The following HDAC9 variants were observed in gnomAD, a reference collection of about 807,000 sequenced individuals.
HDAC9 encodes the protein MEF-2 interacting transcription repressor (MITR) protein.
A neutral mutation model predicts 139.4 loss-of-function variants in HDAC9; 41 were observed. That is an observed-to-expected ratio of 0.29 (90% confidence interval 0.23 to 0.38). The LOEUF is 0.38. HDAC9 is among the 10% of genes least tolerant of loss of function. The pLI is 1.00. For synonymous variants in HDAC9, 517 were observed against 476.2 expected (o/e 1.09, Z -1.12); for missense variants, 1,147 against 1,297.0 (o/e 0.88, Z 1.78).
intron 2 of HDAC9, among the ~76,000 whole-genome samples, chr7:18,225,282 A>G (rs1384695057): frequency 6.6e-6 from 1 of 152,320 alleles, no homozygotes; most frequent in African/African-American, 2.4e-5. Flanking sequence ...AAATGACCAC[A>G]TGCTTCACAC....
intron 1 of HDAC9, among the ~76,000 whole-genome samples, chr7:18,138,565 C>T (rs1252488290): frequency 4.3e-5 from 4 of 93,156 alleles, no homozygotes; most frequent in Admixed American, 1.1e-4. Flanking sequence ...TGTGTGTGTG[C>T]ACATGCTCAT....
chr7:18,295,953 C>G (rs1472548907), intron 1 of HDAC9, among the ~76,000 whole-genome samples: 2 of 152,154 alleles, frequency 1.3e-5, no homozygotes. Context: ...TAGACTAATG[C>G]AGACCTGCTC....
chr7:18,096,881 CTTTG>C (rs1347090775), intron 1 of HDAC9, among the ~76,000 whole-genome samples: 1 of 125,008 alleles, frequency 8.0e-6, no homozygotes, highest in South Asian at 2.8e-4. Flanking sequence ...GACTTGTTGG[CTTTG>C]TGTGTGTGTG....
chr7:18,147,311 A>G (rs947203575), intron 1 of HDAC9, among the ~76,000 whole-genome samples: 9 of 152,222 alleles, frequency 5.9e-5, no homozygotes, highest in Non-Finnish European at 1.2e-4. Context: ...ATAAAAGGAA[A>G]AATAAAAATA....
chr7:18,649,227 G>A (rs569254044), intron 11 of HDAC9, among the ~76,000 whole-genome samples: 16 of 152,210 alleles, frequency 1.1e-4, no homozygotes, highest in South Asian at 1.0e-3. Flanking sequence ...AATAGACAGC[G>A]GATGTCTGTA....
chr7:18,263,721 GC>G (rs1795826826), intron 2 of HDAC9, among the ~76,000 whole-genome samples: 1 of 151,496 alleles, frequency 6.6e-6, no homozygotes, highest in Admixed American at 6.6e-5. Flanking sequence ...CAATTCTCAT[GC>G]CCCAGCCTCC....
At chr7:18,399,792 A>T (rs543312230) in intron 1 of HDAC9, among the ~76,000 whole-genome samples, 13 of 152,324 alleles carry the variant, frequency 8.5e-5, no homozygotes, top group Non-Finnish European at 1.5e-4. Flanking sequence ...CACAGGCCAC[A>T]TTCCAGGAAA....
chr7:18,401,928 T>A (rs1158527849), intron 1 of HDAC9, among the ~76,000 whole-genome samples: 1 of 152,230 alleles, frequency 6.6e-6, no homozygotes, highest in Non-Finnish European at 1.5e-5. Flanking sequence ...AATCTGTTGT[T>A]CCCTTTTTCA....
intron 1 of HDAC9, among the ~76,000 whole-genome samples, chr7:18,470,633 G>T (rs1433297491): frequency 6.6e-6 from 1 of 152,114 alleles, no homozygotes; most frequent in African/African-American, 2.4e-5. Flanking sequence ...CTGCTACAAG[G>T]ATTTCTCTGC....
Position 18,701,443 on chromosome 7 carries a change from A to AGTACCACAG in HDAC9, c.1732-26136_1732-26128dup, listed in dbSNP as rs775272192. On this transcript the variant is annotated intron_variant, in intron 12 of 25. Coordinates refer to ENST00000686413, the MANE Select transcript of HDAC9 (RefSeq NM_178425.4). ...AAAAAAAAAAACACAACTGTACTAT[A>AGTACCACAG]GTACCACAGTACACCAGTACTATGA... 1.7e-3 allele frequency among the ~76,000 whole-genome samples: 257 copies of AGTACCACAG among 151,910 alleles called. 1 individual carries two copies. Among genetic ancestry groups the AGTACCACAG allele is most frequent in the Middle Eastern group, 3.4e-3 (1 of 292 alleles).
intron 2 of HDAC9, among the ~76,000 whole-genome samples, chr7:18,560,263 G>C (rs948738142): frequency 6.6e-6 from 1 of 152,136 alleles, no homozygotes; most frequent in Non-Finnish European, 1.5e-5. Flanking sequence ...TATTCTACCT[G>C]TGAGTTAGAA....
At chr7:18,425,013 T>C (rs900207010) in intron 1 of HDAC9, among the ~76,000 whole-genome samples, 4 of 152,200 alleles carry the variant, frequency 2.6e-5, no homozygotes, top group African/African-American at 9.6e-5. Context: ...ATGTGTTTTG[T>C]GTCAAAGATA....
intron 1 of HDAC9, among the ~76,000 whole-genome samples, chr7:18,384,684 A>G (rs893006261): frequency 6.6e-6 from 1 of 152,036 alleles, no homozygotes; most frequent in African/African-American, 2.4e-5. Flanking sequence ...GTGACTGGAA[A>G]CCAGTAGTTG....
intron 1 of HDAC9, among the ~76,000 whole-genome samples, chr7:18,377,503 G>A (rs1208840684): frequency 6.6e-6 from 1 of 152,108 alleles, no homozygotes; most frequent in Non-Finnish European, 1.5e-5. Flanking sequence ...TTTTAAGAAT[G>A]AGAAATAAAC....
chr7:18,540,906 T>A (rs957751116), intron 2 of HDAC9, among the ~76,000 whole-genome samples: 2 of 152,182 alleles, frequency 1.3e-5, no homozygotes, highest in African/African-American at 4.8e-5. Context: ...CTCGTAAGAA[T>A]TTTAGAAGAT....
At chr7:18,250,724 T>C (rs1238389180) in intron 2 of HDAC9, among the ~76,000 whole-genome samples, 1 of 152,188 alleles carries the variant, frequency 6.6e-6, no homozygotes. Context: ...GTTGAACTAA[T>C]TTAAACTCCC....
intron 2 of HDAC9, among the ~76,000 whole-genome samples, chr7:18,255,046 G>A (rs1795143408): frequency 6.6e-6 from 1 of 152,082 alleles, no homozygotes; most frequent in South Asian, 2.1e-4. Flanking sequence ...AGTCAAACAA[G>A]CAAAGAACCC....
At chr7:18,416,244 C>T (rs1274637778) in intron 1 of HDAC9, among the ~76,000 whole-genome samples, 4 of 151,770 alleles carry the variant, frequency 2.6e-5, no homozygotes, top group Middle Eastern at 3.4e-3. Context: ...TGCAGTGAGC[C>T]GAGATCGTGC....
At chr7:18,750,898 TTG>T (rs1788386426) in intron 14 of HDAC9, among the ~76,000 whole-genome samples, 1 of 152,210 alleles carries the variant, frequency 6.6e-6, no homozygotes, top group East Asian at 1.9e-4. Flanking sequence ...ACATTCACGT[TTG>T]TGTTATATCC....
Sources: gnomAD v4.1 joint callset for allele counts (sites outside exome capture counted in the v4.1 genomes callset) on GRCh38, gnomAD v4.1.1 for gene constraint, MANE v1.5 for transcripts, NCBI Gene and HGNC (gene_info 2026-07-23, HGNC 2026-07-21) for gene names.